PWWP2A: variants seen among roughly 807,000 people sequenced by gnomAD.
The protein encoded by PWWP2A is PWWP domain containing 2A.
PWWP2A carries 18 observed loss-of-function variants against 48.5 expected under a neutral mutation model. The ratio of observed to expected loss-of-function variants is 0.37; its 90% CI spans 0.26 to 0.55. The LOEUF (loss-of-function observed/expected upper bound fraction) is 0.55, where lower values mean the gene tolerates loss of function less well. PWWP2A is among the 20% of genes least tolerant of loss of function. The pLI is 0.81. For missense variants in PWWP2A, 867 were observed against 976.4 expected, an observed-to-expected ratio of 0.89 and a Z score of 1.49; for synonymous variants, 396 against 387.7, an observed-to-expected ratio of 1.02 and a Z score of -0.25.
intron 1 of PWWP2A, among the ~76,000 whole-genome samples, chr5:160,103,829 A>G (rs1581239580): frequency 1.3e-5 from 2 of 152,238 alleles, no homozygotes; most frequent in East Asian, 3.9e-4. Context: ...CAGTCTCTTA[A>G]TAAGAAGGCT....
rs1226224069 is a variant in PWWP2A, at chr5:160,092,916, G to A, written c.1734C>T (p.Ser578=). 2 of 1,551,718 alleles carry A rather than the reference G, an allele frequency of 1.3e-6. No homozygotes were observed. Among genetic ancestry groups the A allele is most frequent in the Non-Finnish European group, 1.7e-6 (2 of 1,146,994 alleles). The change falls in exon 2 of 2, where the codon TCC becomes TCT. Residue 578 remains serine, a synonymous_variant. Transcript: ENST00000307063. ...TATCAATGCTACACACTGAAGCACT[G>A]GAAGAGTCAGATTTCTTTTGATTTA... is the stretch of plus-strand genomic sequence containing the variant. ...MTLNQKKSDS[S]SASVCSIDST... is the part of the protein sequence containing the mutation.
chr5:160,117,579 C>A (rs2113697380), intron 1 of PWWP2A, among the ~76,000 whole-genome samples: 1 of 152,202 alleles, frequency 6.6e-6, no homozygotes, highest in South Asian at 2.1e-4. Context: ...ATCGCTTGAA[C>A]CCAGGAGGCG....
chr5:160,095,956 G>A (rs150725620), intron 1 of PWWP2A, among the ~76,000 whole-genome samples: 2,028 of 152,060 alleles, frequency 0.013, 41 homozygotes, highest in African/African-American at 0.046. Context: ...CCAAAGTGCT[G>A]GGATTACAGA....
chr5:160,117,776 A>G (rs1209054019), intron 1 of PWWP2A: 9 of 531,784 alleles, frequency 1.7e-5, no homozygotes, highest in Non-Finnish European at 2.2e-5. Context: ...AATGGGAAAG[A>G]AGGATTCCTG....
chr5:160,085,933 C>G (rs1231344804), intron 2 of PWWP2A, among the ~76,000 whole-genome samples: 1 of 152,090 alleles, frequency 6.6e-6, no homozygotes, highest in African/African-American at 2.4e-5. Context: ...ATTCTACTAC[C>G]TCAGCCTCCT....
chr5:160,047,879 C>T, the PWWP2A span, among the ~76,000 whole-genome samples: 1 of 152,090 alleles, frequency 6.6e-6, no homozygotes, highest in East Asian at 1.9e-4. Context: ...ATTTCCATGA[C>T]CTTGTTTTAT....
downstream of PWWP2A, among the ~76,000 whole-genome samples, chr5:160,073,779 T>G (rs1753800618): frequency 6.6e-6 from 1 of 152,030 alleles, no homozygotes; most frequent in African/African-American, 2.4e-5. Context: ...GAAATTTCAT[T>G]CCAAGCCGGG....
intron 1 of PWWP2A, among the ~76,000 whole-genome samples, chr5:160,112,203 G>A (rs1174388821): frequency 6.7e-6 from 1 of 149,772 alleles, no homozygotes; most frequent in Admixed American, 6.7e-5. Context: ...GTAAGCTAGA[G>A]AATGCATGCT....
chr5:160,059,686 A>G (rs1757647815), downstream of PWWP2A, among the ~76,000 whole-genome samples: 1 of 152,244 alleles, frequency 6.6e-6, no homozygotes, highest in South Asian at 2.1e-4. Flanking sequence ...AGGAGCAGTC[A>G]GAACATGCAC....
In PWWP2A at chr5:160,092,576, G is replaced by A. The variant is rs1458796633; in HGVS notation, c.2074C>T (p.Arg692Cys). Residue 692 changes from arginine to cysteine, a missense_variant, in exon 2 of 2, where the codon CGT becomes TGT. Arg to Cys is a radical substitution (Grantham distance 180, BLOSUM62 -3). Around this residue, in one of 4 missense-constraint regions of PWWP2A, gnomAD observed 97 missense variants for 151.7 expected, o/e 0.64. Transcript: ENST00000307063. ...DNGLLVRQEA[R>C]ISWFGSPTTS... ...GTTGGAGACCCAAACCATGAAATAC[G>A]GGCCTCCTGTCGGACTAAAAGGCCG... is the stretch of plus-strand genomic sequence containing the variant. The A allele has an allele frequency of 7.1e-6, 11 of 1,551,486 alleles. No individual in the cohort carries two copies. In the Admixed American group the frequency reaches 9.8e-5, roughly 14 times the overall value.
At chr5:160,095,706 T>C (rs990268625) in intron 1 of PWWP2A, among the ~76,000 whole-genome samples, 10 of 148,876 alleles carry the variant, frequency 6.7e-5, no homozygotes, top group Non-Finnish European at 1.5e-4. Context: ...TTTTTTTTTT[T>C]TTTTAAAGAC....
chr5:160,048,915 C>T, the PWWP2A span, among the ~76,000 whole-genome samples: 1 of 151,514 alleles, frequency 6.6e-6, no homozygotes, highest in Non-Finnish European at 1.5e-5. Context: ...CACACCACTG[C>T]ACTCCAGCCT....
At chr5:160,059,720 G>A (rs1302504033), downstream of PWWP2A, among the ~76,000 whole-genome samples, 2 of 152,202 alleles carry the variant, frequency 1.3e-5, no homozygotes, top group Non-Finnish European at 2.9e-5. Context: ...TCAGTTAGCT[G>A]TCTTATGCGG....
chr5:160,111,955 T>C (rs1193432694), intron 1 of PWWP2A, among the ~76,000 whole-genome samples: 2 of 151,692 alleles, frequency 1.3e-5, no homozygotes, highest in South Asian at 4.2e-4. Context: ...AGCGAAACCC[T>C]GTCTCCACCA....
chr5:160,047,407 A>G, the PWWP2A span, among the ~76,000 whole-genome samples: 1 of 152,162 alleles, frequency 6.6e-6, no homozygotes, highest in Non-Finnish European at 1.5e-5. Flanking sequence ...CATGGGCTCA[A>G]ATTTAAAGAC....
At chr5:160,099,732 C>T (rs949238205) in intron 1 of PWWP2A, among the ~76,000 whole-genome samples, 4 of 151,044 alleles carry the variant, frequency 2.6e-5, no homozygotes, top group Admixed American at 2.0e-4. Flanking sequence ...GGCTAGAGCG[C>T]AGTGGCCTGA....
At chr5:160,057,973 G>A (rs929254295), downstream of PWWP2A, among the ~76,000 whole-genome samples, 2 of 152,156 alleles carry the variant, frequency 1.3e-5, no homozygotes, top group South Asian at 4.1e-4. The surrounding 1 kb of genome is among the most constrained non-coding windows in gnomAD (Gnocchi z 4.4). Flanking sequence ...CACCATGTTG[G>A]CCAGGCTGGT....
chr5:160,071,110 G>A (rs913201659), downstream of PWWP2A, among the ~76,000 whole-genome samples: 1 of 152,166 alleles, frequency 6.6e-6, no homozygotes. Context: ...GATCACCAGA[G>A]CCCAGGAAGT....
At chr5:160,059,728 C>G (rs1009908480), downstream of PWWP2A, among the ~76,000 whole-genome samples, 4 of 152,192 alleles carry the variant, frequency 2.6e-5, no homozygotes, top group Non-Finnish European at 5.9e-5. Flanking sequence ...CTGTCTTATG[C>G]GGGTGCAGTT....
Sources: allele counts gnomAD v4.1 joint callset (sites outside exome capture counted in the v4.1 genomes callset), GRCh38; gene constraint gnomAD v4.1.1; regional missense constraint gnomAD v4.1.1; non-coding constraint Gnocchi (gnomAD v3.1); transcripts MANE v1.5; gene names NCBI Gene and HGNC (gene_info 2026-07-23, HGNC 2026-07-21).